Variants in COL22A1 observed in about 807,000 individuals in gnomAD.
COL22A1 encodes collagen alpha-1(XXII) chain.
In COL22A1, 221 loss-of-function variants were observed where a neutral mutation model predicts 248.9. The observed-to-expected ratio is 0.89, with a 90% CI of 0.80 to 0.99. The LOEUF is 0.99. COL22A1 is among the 50% of genes least tolerant of loss of function. The pLI, the probability that COL22A1 is intolerant of heterozygous loss-of-function variation, is 0.00. For synonymous variants in COL22A1, 891 were observed against 793.4 expected, an observed-to-expected ratio of 1.12 and a Z score of -2.07; for missense variants, 2,240 against 2,179.0, an observed-to-expected ratio of 1.03 and a Z score of -0.56.
At chr8:138,610,395 G>A (rs1471679494) in intron 56 of COL22A1, among the ~76,000 whole-genome samples, 1 of 152,162 alleles carries the variant, frequency 6.6e-6, no homozygotes, top group Non-Finnish European at 1.5e-5. Context: ...ATTGATGGAA[G>A]CACTCTATAC....
At chr8:138,847,920 T>C (rs1176002386) in intron 3 of COL22A1, among the ~76,000 whole-genome samples, 2 of 152,182 alleles carry the variant, frequency 1.3e-5, no homozygotes, top group African/African-American at 2.4e-5. Flanking sequence ...GATATGCCAG[T>C]GTAACCAGCT....
intron 3 of COL22A1, among the ~76,000 whole-genome samples, chr8:138,845,544 T>TAAATA (rs545433861): frequency 6.6e-6 from 1 of 150,750 alleles, no homozygotes; most frequent in African/African-American, 2.4e-5. Flanking sequence ...AATAAATAAA[T>TAAATA]AATAAAAAGT....
chr8:138,782,928 T>A (rs564390415), intron 12 of COL22A1, among the ~76,000 whole-genome samples: 1 of 152,300 alleles, frequency 6.6e-6, no homozygotes, highest in African/African-American at 2.4e-5. Context: ...CACACAGATT[T>A]GCTCTGCTGC....
intron 22 of COL22A1, among the ~76,000 whole-genome samples, chr8:138,741,859 G>C (rs998865517): frequency 3.3e-5 from 5 of 152,210 alleles, no homozygotes; most frequent in Non-Finnish European, 7.3e-5. Flanking sequence ...GGCGGTGATG[G>C]GGTCTTGTGG....
At position 138,682,739 on chromosome 8, in the gene COL22A1, G is replaced by A. The variant is rs150828318; in HGVS notation, c.3012+1686C>T. 4.2e-3 allele frequency among the ~76,000 whole-genome samples: 640 copies of A among 152,042 alleles called. 6 individuals carry two copies. The highest frequency in any genetic ancestry group is 0.015 in the African/African-American group (606 of 41,438). ...TTTTGAGATGGATTCTCACCCTGTC[G>A]CCCATGCTGGAATGCAATGGCATGA... On this transcript the variant is annotated intron_variant, in intron 39 of 64. Coordinates refer to ENST00000303045, the MANE Select transcript of COL22A1 (RefSeq NM_152888.3).
intron 3 of COL22A1, among the ~76,000 whole-genome samples, chr8:138,869,224 C>T (rs1172244091): frequency 1.3e-5 from 2 of 152,184 alleles, no homozygotes; most frequent in Non-Finnish European, 2.9e-5. Flanking sequence ...AATCCACCTG[C>T]AGGAATAATC....
At chr8:138,755,758 C>G in intron 19 of COL22A1, 27 bp downstream of exon 19, 1 of 1,612,944 alleles carries the variant, frequency 6.2e-7, no homozygotes, top group Non-Finnish European at 8.5e-7. Flanking sequence ...GCACCTGCAT[C>G]CATGATTCCA....
chr8:138,775,610 A>G (rs1257547723), intron 16 of COL22A1, among the ~76,000 whole-genome samples: 2 of 152,202 alleles, frequency 1.3e-5, no homozygotes, highest in Non-Finnish European at 2.9e-5. Flanking sequence ...CTTGCCAAGT[A>G]AGATACGAGT....
At chr8:138,722,200 C>T (rs774343390) in intron 25 of COL22A1, 111 bp from the exon 26 acceptor site, 124 of 834,376 alleles carry the variant, frequency 1.5e-4, no homozygotes, top group Non-Finnish European at 2.2e-4. Context: ...GCAGGAGGCT[C>T]GGGCGTCTGC....
Position 138,651,384 on chromosome 8 carries a change from C to T in COL22A1, c.3334-1606G>A, listed in dbSNP as rs541178947. Among the ~76,000 whole-genome samples, 8 of 152,316 alleles carry T rather than the reference C, an allele frequency of 5.3e-5. No individual in the cohort carries two copies. The South Asian group carries it at 1.2e-3, about 24-fold the overall frequency. On this transcript the variant is annotated intron_variant, in intron 45 of 64. Coordinates refer to ENST00000303045, the MANE Select transcript of COL22A1 (RefSeq NM_152888.3). The stretch of plus-strand genomic sequence containing the variant: ...AATATTCTTCCACAGAGCATGAGTG[C>T]TATAAATGAATGAATCAGGCATCCC...
At chr8:138,722,455 T>C (rs2131145436) in intron 25 of COL22A1, among the ~76,000 whole-genome samples, 1 of 152,288 alleles carries the variant, frequency 6.6e-6, no homozygotes, top group East Asian at 1.9e-4. Flanking sequence ...TCCTCTCTCC[T>C]CTCCAGAATC....
rs1478860918 is a variant in COL22A1 at position 138,589,174 on chromosome 8, T to C, written c.*79A>G. On this transcript the variant is annotated 3_prime_UTR_variant, in exon 65 of 65. Transcript: ENST00000303045. ...AAAAGGAACACATGGCTGAAGTCTT[T>C]CAAGACCTCTGGCTTCCCACTGGGC... 2.9e-6 allele frequency: 4 copies of C among 1,378,464 alleles called. No individual in the cohort carries two copies. Among genetic ancestry groups the C allele is most frequent in the East Asian group, 4.8e-5 (2 of 41,412 alleles). The allele number at this position is 1,378,464 out of a possible 1,614,324, so 85.4% of individuals were successfully genotyped here. A position where few individuals can be genotyped will look rare whatever the true frequency, so the allele number is the denominator to read the frequency against.
chr8:138,611,245 G>A lies in COL22A1; in HGVS notation c.3978+2622C>T, dbSNP rs746608102. On this transcript the variant is annotated intron_variant, in intron 56 of 64. Transcript: ENST00000303045. ...CACATTCCAAGGGCTGGGCACTGTT[G>A]TCTCACTTCACTGGATTACCTTGCT... Among the ~76,000 whole-genome samples, 22 of 152,360 alleles carry A rather than the reference G, an allele frequency of 1.4e-4. No individual in the cohort carries two copies. In the South Asian group the frequency reaches 1.5e-3, roughly 10 times the overall value.
chr8:138,871,045 G>A lies in COL22A1; in HGVS notation c.658+6705C>T, dbSNP rs117929363. Among the ~76,000 whole-genome samples the A allele has an allele frequency of 2.7e-3, 409 of 152,112 alleles. 7 individuals are homozygous for A. The highest frequency in any genetic ancestry group is 0.023 in the East Asian group (117 of 5,172). ...AGTGTGGCCTGGAAGGCATGGTCAC[G>A]AGGGGTGATGCCACCAGCAGGGCCA... On this transcript the variant is annotated intron_variant, in intron 3 of 64. Transcript: ENST00000303045.
intron 9 of COL22A1, among the ~76,000 whole-genome samples, 188 bp from the exon 10 acceptor site, chr8:138,808,000 T>C (rs1586795372): frequency 6.6e-6 from 1 of 152,166 alleles, no homozygotes; most frequent in Non-Finnish European, 1.5e-5. Flanking sequence ...TGCAAACCTA[T>C]ACGGGAAGCT....
intron 22 of COL22A1, among the ~76,000 whole-genome samples, chr8:138,740,995 GTTTGA>G (rs1323680940): frequency 6.6e-6 from 1 of 152,178 alleles, no homozygotes; most frequent in Admixed American, 6.5e-5. Context: ...CATCTGAGCT[GTTTGA>G]TTTGGAGATT....
intron 31 of COL22A1, among the ~76,000 whole-genome samples, chr8:138,700,914 G>A (rs1239245532): frequency 6.6e-6 from 1 of 151,342 alleles, no homozygotes; most frequent in Non-Finnish European, 1.5e-5. Context: ...GAACCCAGGA[G>A]GCGGAGCTTG....
At chr8:138,702,397 T>C (rs998715812) in intron 31 of COL22A1, among the ~76,000 whole-genome samples, 4 of 152,166 alleles carry the variant, frequency 2.6e-5, no homozygotes, top group African/African-American at 9.7e-5. Context: ...TTCGGTGTGA[T>C]GAAAAGCACA....
chr8:138,859,698 C>T (rs1415819258), intron 3 of COL22A1, among the ~76,000 whole-genome samples: 1 of 152,192 alleles, frequency 6.6e-6, no homozygotes, highest in Non-Finnish European at 1.5e-5. Flanking sequence ...CCAGGGCACC[C>T]ACTGAGGTGC....
Sources: allele counts gnomAD v4.1 joint callset (sites outside exome capture counted in the v4.1 genomes callset), GRCh38; gene constraint gnomAD v4.1.1; transcripts MANE v1.5; gene names NCBI Gene and HGNC (gene_info 2026-07-23, HGNC 2026-07-21).